Variants in PIP5K1B observed in about 807,000 individuals in gnomAD.
The protein encoded by PIP5K1B is phosphatidylinositol-4-phosphate 5-kinase type 1 beta.
In PIP5K1B, 42 loss-of-function variants were observed where a neutral mutation model predicts 67.0. That is an observed-to-expected ratio of 0.63 (90% CI 0.49 to 0.81). The LOEUF (loss-of-function observed/expected upper bound fraction) is 0.81, where lower values mean the gene tolerates loss of function less well. Among genes scored for constraint, PIP5K1B ranks in the 30% least tolerant of loss-of-function variants. The pLI is 0.00. For missense variants in PIP5K1B, 459 were observed against 646.3 expected, an observed-to-expected ratio of 0.71 and a Z score of 3.14; for synonymous variants, 214 against 231.4, an observed-to-expected ratio of 0.92 and a Z score of 0.68.
At chr9:68,721,655 C>A (rs1417227317) in intron 1 of PIP5K1B, among the ~76,000 whole-genome samples, 1 of 152,044 alleles carries the variant, frequency 6.6e-6, no homozygotes, top group Non-Finnish European at 1.5e-5. Context: ...GTGGTCATAT[C>A]ATCTGGGCTG....
At chr9:68,940,331 T>A (rs10869560) in intron 13 of PIP5K1B, among the ~76,000 whole-genome samples, 144,129 of 152,266 alleles carry the variant, frequency 0.95, 68,731 homozygotes, top group East Asian at 1. Flanking sequence ...TTGTCTGCTT[T>A]AACTCCTATG....
At chr9:68,786,880 C>G (rs1179344093) in intron 2 of PIP5K1B, among the ~76,000 whole-genome samples, 1 of 152,164 alleles carries the variant, frequency 6.6e-6, no homozygotes, top group Non-Finnish European at 1.5e-5. Context: ...CCACGGTAAC[C>G]ATTCTCTTAA....
chr9:68,930,621 G>T (rs1335786332), intron 12 of PIP5K1B, among the ~76,000 whole-genome samples: 2 of 151,416 alleles, frequency 1.3e-5, no homozygotes, highest in Non-Finnish European at 2.9e-5. Flanking sequence ...GCATAAAGTT[G>T]TGGCCCCAAA....
At chr9:68,915,363 GT>G (rs1211140502) in intron 8 of PIP5K1B, among the ~76,000 whole-genome samples, 1 of 152,116 alleles carries the variant, frequency 6.6e-6, no homozygotes, top group Non-Finnish European at 1.5e-5. Flanking sequence ...TTTCAGTATG[GT>G]TGAGAATTAG....
chr9:68,942,185 C>G (rs1486118416), intron 14 of PIP5K1B, among the ~76,000 whole-genome samples: 1 of 152,156 alleles, frequency 6.6e-6, no homozygotes, highest in Non-Finnish European at 1.5e-5. Flanking sequence ...ATTAGTCAAG[C>G]AACGGCCTTT....
intron 2 of PIP5K1B, among the ~76,000 whole-genome samples, chr9:68,807,719 G>A (rs1178229177): frequency 6.6e-6 from 1 of 152,118 alleles, no homozygotes; most frequent in African/African-American, 2.4e-5. Flanking sequence ...TGCATATAGT[G>A]TATCATAAAT....
At chr9:68,828,964 C>T (rs1185310334) in intron 4 of PIP5K1B, among the ~76,000 whole-genome samples, 1 of 152,054 alleles carries the variant, frequency 6.6e-6, no homozygotes, top group African/African-American at 2.4e-5. Flanking sequence ...TTGCTGGGCA[C>T]GGTGGTGCAA....
intron 14 of PIP5K1B, among the ~76,000 whole-genome samples, chr9:68,980,615 T>C (rs1587754574): frequency 1.3e-5 from 2 of 152,326 alleles, no homozygotes; most frequent in South Asian, 4.1e-4. Context: ...CTATCCAAAC[T>C]GATCCTCTTG....
chr9:68,725,272 T>A (rs1329316633), intron 1 of PIP5K1B, among the ~76,000 whole-genome samples: 1 of 152,206 alleles, frequency 6.6e-6, no homozygotes, highest in Non-Finnish European at 1.5e-5. Flanking sequence ...TCTGTCTGAC[T>A]CATCCGGCCT....
chr9:68,714,909 C>T (rs1313022660), intron 1 of PIP5K1B, among the ~76,000 whole-genome samples: 3 of 152,224 alleles, frequency 2.0e-5, no homozygotes, highest in Non-Finnish European at 4.4e-5. Flanking sequence ...GAACCAAAGA[C>T]TGCTCTACTT....
rs78950677 is a variant in PIP5K1B at position 68,813,436 on chromosome 9, A to G, written c.-85-5025A>G. Among the ~76,000 whole-genome samples, 87 of 152,354 alleles carry G rather than the reference A, an allele frequency of 5.7e-4. No homozygotes were observed. The East Asian group carries it at 0.015, about 26-fold the overall frequency. On this transcript the variant is annotated intron_variant, in intron 2 of 15. Coordinates refer to ENST00000265382, the MANE Select transcript of PIP5K1B (RefSeq NM_003558.4). ...AAAAATATTCCAAGTATCTCTACCT[A>G]TGGACAAGAAAGAGAAAAGAGATGT...
intron 14 of PIP5K1B, among the ~76,000 whole-genome samples, chr9:68,982,030 G>T (rs948675917): frequency 1.3e-5 from 2 of 152,168 alleles, no homozygotes; most frequent in Non-Finnish European, 2.9e-5. Context: ...TTCCTGTGTG[G>T]CTTGTTGCAA....
chr9:68,835,677 A>G (rs957736551), intron 4 of PIP5K1B, among the ~76,000 whole-genome samples: 3 of 152,148 alleles, frequency 2.0e-5, no homozygotes, highest in Admixed American at 6.5e-5. Context: ...ACCCATTCCA[A>G]TTGCAGATTG....
chr9:68,732,389 A>T (rs1030931452), intron 1 of PIP5K1B, among the ~76,000 whole-genome samples: 7 of 152,230 alleles, frequency 4.6e-5, no homozygotes, highest in African/African-American at 1.7e-4. Context: ...ATTCAAGAGT[A>T]TCTGAAACTA....
chr9:68,839,098 T>C (rs959765008), intron 4 of PIP5K1B, among the ~76,000 whole-genome samples: 4 of 152,362 alleles, frequency 2.6e-5, no homozygotes, highest in African/African-American at 9.6e-5. Context: ...GGCAGTTTGT[T>C]GAAATCATTG....
intron 5 of PIP5K1B, among the ~76,000 whole-genome samples, chr9:68,869,385 C>T (rs1823516441): frequency 6.6e-6 from 1 of 152,116 alleles, no homozygotes; most frequent in Non-Finnish European, 1.5e-5. Flanking sequence ...CAGTTTCATC[C>T]CAAAACCATC....
chr9:68,802,728 A>G (rs1204766265), intron 2 of PIP5K1B, among the ~76,000 whole-genome samples: 1 of 152,196 alleles, frequency 6.6e-6, no homozygotes, highest in Non-Finnish European at 1.5e-5. Context: ...GTGCAAAGGT[A>G]AGATGCAAAG....
chr9:68,706,394 C>T (rs1455996820), intron 1 of PIP5K1B, among the ~76,000 whole-genome samples: 1 of 152,096 alleles, frequency 6.6e-6, no homozygotes, highest in Non-Finnish European at 1.5e-5. Context: ...CCAGGAGTCG[C>T]CAGAACAGAA....
intron 1 of PIP5K1B, among the ~76,000 whole-genome samples, chr9:68,740,765 T>C (rs1828965977): frequency 6.6e-6 from 1 of 152,252 alleles, no homozygotes; most frequent in Non-Finnish European, 1.5e-5. Context: ...TATTTCCTTA[T>C]GAAGTTCATT....
Sources: allele counts gnomAD v4.1 joint callset (sites outside exome capture counted in the v4.1 genomes callset), GRCh38; gene constraint gnomAD v4.1.1; transcripts MANE v1.5; gene names NCBI Gene and HGNC (gene_info 2026-07-23, HGNC 2026-07-21).